The following CTNNA3 variants were observed in gnomAD, a reference collection of about 807,000 sequenced individuals.
CTNNA3 encodes the protein catenin alpha-3.
CTNNA3 carries 76 observed loss-of-function variants against 95.7 expected under a neutral mutation model. That is an observed-to-expected ratio of 0.79 (90% confidence interval 0.66 to 0.96). CTNNA3 has a LOEUF of 0.96. CTNNA3 is among the 40% of genes least tolerant of loss of function. CTNNA3 has a pLI of 0.00. For missense variants in CTNNA3, 1,191 were observed against 1,089.8 expected, an observed-to-expected ratio of 1.09 and a Z score of -1.31; for synonymous variants, 431 against 374.4, an observed-to-expected ratio of 1.15 and a Z score of -1.74.
intron 12 of CTNNA3, among the ~76,000 whole-genome samples, chr10:66,351,886 A>G (rs1444113757): frequency 6.6e-6 from 1 of 152,086 alleles, no homozygotes; most frequent in Non-Finnish European, 1.5e-5. Flanking sequence ...AGTTGAAATT[A>G]GCAAATGTTT....
At chr10:67,636,639 C>T (rs536322544) in intron 2 of CTNNA3, among the ~76,000 whole-genome samples, 2 of 152,136 alleles carry the variant, frequency 1.3e-5, no homozygotes, top group South Asian at 4.1e-4. Flanking sequence ...GAAACTGGAC[C>T]CCTACCTTAC....
intron 14 of CTNNA3, among the ~76,000 whole-genome samples, chr10:66,077,613 A>G (rs906377054): frequency 6.6e-6 from 1 of 151,830 alleles, no homozygotes; most frequent in African/African-American, 2.4e-5. Flanking sequence ...GGCATGTATC[A>G]TAATGACAGA....
At chr10:66,320,828 T>C (rs2092172771) in intron 12 of CTNNA3, among the ~76,000 whole-genome samples, 1 of 152,134 alleles carries the variant, frequency 6.6e-6, no homozygotes, top group Non-Finnish European at 1.5e-5. Context: ...TAAAGAACAG[T>C]AATGCAAATG....
chr10:66,326,853 T>C (rs1339614827), intron 12 of CTNNA3, among the ~76,000 whole-genome samples: 1 of 152,082 alleles, frequency 6.6e-6, no homozygotes, highest in Non-Finnish European at 1.5e-5. Context: ...TGAATGAGTT[T>C]ACAAAATAAA....
At chr10:67,117,709 A>G (rs1859254451) in intron 7 of CTNNA3, among the ~76,000 whole-genome samples, 1 of 152,058 alleles carries the variant, frequency 6.6e-6, no homozygotes, top group Non-Finnish European at 1.5e-5. Context: ...GATACAAGGT[A>G]AAGTTTTATT....
At chr10:67,046,110 C>T (rs1215280551) in intron 7 of CTNNA3, among the ~76,000 whole-genome samples, 2 of 119,060 alleles carry the variant, frequency 1.7e-5, no homozygotes, top group African/African-American at 3.0e-5. Flanking sequence ...GGGCTAATCC[C>T]AGAAAAGGCA....
chr10:67,639,416 C>G (rs1330812751), intron 2 of CTNNA3, among the ~76,000 whole-genome samples: 2 of 152,202 alleles, frequency 1.3e-5, no homozygotes, highest in East Asian at 3.9e-4. Context: ...CAGCCGAATT[C>G]TACCAGAGGT....
chr10:66,380,122 C>A (rs1159999057), intron 11 of CTNNA3, among the ~76,000 whole-genome samples: 1 of 152,102 alleles, frequency 6.6e-6, no homozygotes, highest in Admixed American at 6.6e-5. Context: ...ACAATAAGAT[C>A]TCAGTAATTC....
At chr10:67,390,936 C>T (rs1338029557) in intron 5 of CTNNA3, among the ~76,000 whole-genome samples, 3 of 151,884 alleles carry the variant, frequency 2.0e-5, no homozygotes, top group African/African-American at 7.3e-5. Flanking sequence ...ATGACAAACC[C>T]ACAGCCAATA....
At chr10:67,645,904 A>G (rs1031583945) in intron 2 of CTNNA3, among the ~76,000 whole-genome samples, 3 of 148,754 alleles carry the variant, frequency 2.0e-5, no homozygotes, top group African/African-American at 7.3e-5. Flanking sequence ...CTGCATATAT[A>G]GTACTAGCTC....
chr10:66,880,500 T>A (rs1375673721), intron 7 of CTNNA3, among the ~76,000 whole-genome samples: 4 of 152,108 alleles, frequency 2.6e-5, no homozygotes, highest in Non-Finnish European at 4.4e-5. Flanking sequence ...TAGCCTAATC[T>A]CTTCCTACTA....
intron 7 of CTNNA3, among the ~76,000 whole-genome samples, chr10:66,857,142 C>T (rs1843713289): frequency 6.6e-6 from 1 of 152,036 alleles, no homozygotes; most frequent in African/African-American, 2.4e-5. Flanking sequence ...GTTATTCTAG[C>T]ACAATTTATT....
intron 7 of CTNNA3, among the ~76,000 whole-genome samples, chr10:67,110,009 T>C (rs772462180): frequency 1.3e-5 from 2 of 152,158 alleles, no homozygotes; most frequent in African/African-American, 2.4e-5. Context: ...GTGTGCAGTA[T>C]GGCAAAGGCA....
At chr10:66,113,964 G>A (rs1268371445) in intron 13 of CTNNA3, among the ~76,000 whole-genome samples, 1 of 151,968 alleles carries the variant, frequency 6.6e-6, no homozygotes, top group African/African-American at 2.4e-5. Flanking sequence ...ATAATAATAA[G>A]AGCAGTAGTG....
intron 9 of CTNNA3, among the ~76,000 whole-genome samples, chr10:66,675,319 AC>A (rs1272192855): frequency 1.3e-5 from 2 of 151,510 alleles, no homozygotes; most frequent in East Asian, 1.9e-4. Flanking sequence ...ATTACTACAT[AC>A]CTTTTTGCTC....
At chr10:67,085,407 G>A (rs1279807409) in intron 7 of CTNNA3, among the ~76,000 whole-genome samples, 1 of 151,298 alleles carries the variant, frequency 6.6e-6, no homozygotes, top group Non-Finnish European at 1.5e-5. Flanking sequence ...AAAAATGAGA[G>A]GGACTAAAAG....
At chr10:66,088,667 T>C (rs1286577743) in intron 14 of CTNNA3, among the ~76,000 whole-genome samples, 2 of 152,070 alleles carry the variant, frequency 1.3e-5, no homozygotes, top group African/African-American at 4.8e-5. Flanking sequence ...CTTACCCTAA[T>C]TGGTATCTCC....
chr10:66,545,027 A>C (rs1841992981), intron 10 of CTNNA3, among the ~76,000 whole-genome samples: 1 of 152,068 alleles, frequency 6.6e-6, no homozygotes, highest in African/African-American at 2.4e-5. Context: ...ACAGTGACTT[A>C]ACAAAATACA....
intron 5 of CTNNA3, among the ~76,000 whole-genome samples, chr10:67,496,971 T>C (rs1457811901): frequency 3.3e-5 from 5 of 152,204 alleles, no homozygotes; most frequent in African/African-American, 4.8e-5. Context: ...CTGGGATATA[T>C]GTGCAGAAAG....
Sources: allele counts gnomAD v4.1 joint callset (sites outside exome capture counted in the v4.1 genomes callset), GRCh38; gene constraint gnomAD v4.1.1; transcripts MANE v1.5; gene names NCBI Gene and HGNC (gene_info 2026-07-23, HGNC 2026-07-21).